Variants in DAPL1 observed in about 807,000 individuals in gnomAD.
DAPL1 encodes death-associated protein-like 1.
In DAPL1, 17 loss-of-function variants were observed where a neutral mutation model predicts 12.9. The ratio of observed to expected loss-of-function variants is 1.32; its 90% CI spans 0.90 to 1.98. The LOEUF (loss-of-function observed/expected upper bound fraction) is 1.98. DAPL1 is among the 30% of genes most tolerant of loss of function. The probability of loss-of-function intolerance (pLI) is 0.00; values close to 1 mark genes in which losing one functional copy is unlikely to be tolerated. For missense variants in DAPL1, 157 were observed against 125.7 expected (o/e 1.25, Z -1.19); for synonymous variants, 51 against 42.0 (o/e 1.21, Z -0.82).
At chr2:158,799,022 A>T (rs2059151129) in intron 1 of DAPL1, among the ~76,000 whole-genome samples, 1 of 152,192 alleles carries the variant, frequency 6.6e-6, no homozygotes, top group African/African-American at 2.4e-5. Flanking sequence ...TAGCTGGAAA[A>T]TTATTATTTA....
At chr2:158,812,380 T>A (rs1559045100) in intron 3 of DAPL1, among the ~76,000 whole-genome samples, 1 of 152,238 alleles carries the variant, frequency 6.6e-6, no homozygotes, top group Non-Finnish European at 1.5e-5. Context: ...CTTTTAGAAC[T>A]TCGGTTGAAT....
Position 158,795,392 on chromosome 2 carries a change from A to G in DAPL1, c.20A>G (p.Asp7Gly), listed in dbSNP as rs1240843183. Residue 7 changes from aspartate (D) to glycine (G), a missense_variant, in exon 1 of 4, where the codon GAC becomes GGC. Transcript: ENST00000309950. ...CACGCTATGGCAAATGAAGTGCAAG[A>G]CCTGCTCTCCCCTCGGAAAGGGGGA... MANEVQ[D>G]LLSPRKGGHP... 1 of 1,555,930 alleles carries G rather than the reference A, an allele frequency of 6.4e-7. No individual in the cohort carries two copies. Among genetic ancestry groups the G allele is most frequent in the Admixed American group, 1.9e-5 (1 of 51,446 alleles).
chr2:158,798,162 T>A (rs2059145169), intron 1 of DAPL1, among the ~76,000 whole-genome samples: 1 of 152,154 alleles, frequency 6.6e-6, no homozygotes, highest in Non-Finnish European at 1.5e-5. Flanking sequence ...TTTAATTGGG[T>A]CTAAGCCAAA....
chr2:158,806,992 ATGTG>A, intron 2 of DAPL1, 59 bp from the exon 3 acceptor site: 1 of 1,204,950 alleles, frequency 8.3e-7, no homozygotes, highest in South Asian at 1.2e-5. Context: ...TCTATAAATC[ATGTG>A]GCCTTTTCAG....
chr2:158,798,285 TG>T (rs1253328459), intron 1 of DAPL1, among the ~76,000 whole-genome samples: 2 of 152,218 alleles, frequency 1.3e-5, no homozygotes, highest in Non-Finnish European at 2.9e-5. Context: ...GTAAAACTAA[TG>T]CAGAAAATGG....
chr2:158,805,320 G>C (rs561842360), intron 2 of DAPL1, among the ~76,000 whole-genome samples: 1 of 152,280 alleles, frequency 6.6e-6, no homozygotes, highest in East Asian at 1.9e-4. Context: ...CGCTCCATTA[G>C]CAGCAAGTCA....
chr2:158,812,772 G>A (rs1337698408), intron 3 of DAPL1, among the ~76,000 whole-genome samples: 1 of 145,324 alleles, frequency 6.9e-6, no homozygotes, highest in Non-Finnish European at 1.5e-5. Context: ...TCCAGTCTGG[G>A]TGACAGAGCA....
Position 158,814,944 on chromosome 2 carries a change from C to A in DAPL1, c.208-761C>A, listed in dbSNP as rs79006969. Among the ~76,000 whole-genome samples, 1,294 of 152,254 alleles carry A rather than the reference C, an allele frequency of 8.5e-3. 17 individuals are homozygous for A. The highest frequency in any genetic ancestry group is 0.029 in the African/African-American group (1,201 of 41,536). On this transcript the variant is annotated intron_variant, in intron 3 of 3. Coordinates refer to ENST00000309950, the MANE Select transcript of DAPL1 (RefSeq NM_001017920.3). ...GTCCAAATTCTCCTCCTAGGAAAAC[C>A]ATGTCTGAAGTGGTCAGCAGCATTG...
At chr2:158,803,158 G>C (rs2059178342) in intron 1 of DAPL1, among the ~76,000 whole-genome samples, 1 of 152,194 alleles carries the variant, frequency 6.6e-6, no homozygotes. Flanking sequence ...AATAACTGTG[G>C]ATGAAGACAC....
intron 3 of DAPL1, among the ~76,000 whole-genome samples, chr2:158,808,471 C>T (rs1458503995): frequency 2.0e-5 from 3 of 152,120 alleles, no homozygotes; most frequent in Admixed American, 1.3e-4. Flanking sequence ...TGTCAGGGAT[C>T]GTAGTATTGG....
intron 1 of DAPL1, 128 bp downstream of exon 1, chr2:158,795,558 C>T (rs2059130168): frequency 1.2e-6 from 1 of 850,412 alleles, no homozygotes; most frequent in East Asian, 2.7e-5. Flanking sequence ...CTCCATGCAG[C>T]CTGACTTCCT....
intron 3 of DAPL1, among the ~76,000 whole-genome samples, chr2:158,812,152 A>T (rs752510612): frequency 6.6e-6 from 1 of 152,162 alleles, no homozygotes; most frequent in Non-Finnish European, 1.5e-5. Context: ...TGCTCTGGGC[A>T]CCCCAAAAGC....
At chr2:158,807,374 C>A (rs1031244313) in intron 3 of DAPL1, among the ~76,000 whole-genome samples, 1 of 152,180 alleles carries the variant, frequency 6.6e-6, no homozygotes, top group African/African-American at 2.4e-5. Context: ...GGTGAGTTTG[C>A]AGAATGGTAC....
At chr2:158,803,210 G>A (rs1405177847) in intron 1 of DAPL1, among the ~76,000 whole-genome samples, 1 of 152,206 alleles carries the variant, frequency 6.6e-6, no homozygotes, top group East Asian at 1.9e-4. Context: ...AGATAATCTA[G>A]GAAGTTGGAA....
intron 3 of DAPL1, among the ~76,000 whole-genome samples, chr2:158,812,296 G>A (rs1489548206): frequency 1.3e-5 from 2 of 152,184 alleles, no homozygotes; most frequent in South Asian, 4.1e-4. Flanking sequence ...TGGCCATTGG[G>A]CCACAGGGGC....
At chr2:158,798,603 C>G (rs2059148557) in intron 1 of DAPL1, among the ~76,000 whole-genome samples, 1 of 152,070 alleles carries the variant, frequency 6.6e-6, no homozygotes, top group Admixed American at 6.6e-5. Flanking sequence ...AACGGAGACT[C>G]AGTGAGATTG....
chr2:158,808,617 C>T (rs142770654), intron 3 of DAPL1, among the ~76,000 whole-genome samples: 6 of 152,238 alleles, frequency 3.9e-5, no homozygotes, highest in African/African-American at 1.4e-4. Flanking sequence ...CCACTCAGGT[C>T]GATTTAGGGT....
intron 1 of DAPL1, among the ~76,000 whole-genome samples, chr2:158,802,555 A>G (rs1007721203): frequency 6.6e-6 from 1 of 152,182 alleles, no homozygotes; most frequent in East Asian, 1.9e-4. Context: ...GTACTCACAC[A>G]CCAAATCGTC....
intron 1 of DAPL1, among the ~76,000 whole-genome samples, chr2:158,801,240 G>T (rs73966745): frequency 6.6e-6 from 1 of 152,116 alleles, no homozygotes; most frequent in Non-Finnish European, 1.5e-5. Context: ...TAGCATCAGG[G>T]AAAGCAAAAG....
Sources: gnomAD v4.1 joint callset for allele counts (sites outside exome capture counted in the v4.1 genomes callset) on GRCh38, gnomAD v4.1.1 for gene constraint, MANE v1.5 for transcripts, NCBI Gene and HGNC (gene_info 2026-07-23, HGNC 2026-07-21) for gene names.